The following FOXJ3 variants were observed in gnomAD, a reference collection of about 807,000 sequenced individuals.
FOXJ3 encodes forkhead box J3.
FOXJ3 carries 22 observed loss-of-function variants against 76.1 expected under a neutral mutation model. That is an observed-to-expected ratio of 0.29 (90% confidence interval 0.21 to 0.41). FOXJ3 has a LOEUF of 0.41. FOXJ3 is among the 10% of genes least tolerant of loss of function. The pLI is 1.00. For missense variants in FOXJ3, 613 were observed against 762.1 expected, an observed-to-expected ratio of 0.80 and a Z score of 2.30; for synonymous variants, 269 against 261.2, an observed-to-expected ratio of 1.03 and a Z score of -0.29.
intron 5 of FOXJ3, among the ~76,000 whole-genome samples, chr1:42,217,067 G>C (rs1056796295): frequency 1.6e-4 from 25 of 152,170 alleles, no homozygotes; most frequent in African/African-American, 5.5e-4. Flanking sequence ...GGGGAGGAGA[G>C]GAACAGGAAA....
intron 1 of FOXJ3, among the ~76,000 whole-genome samples, chr1:42,326,802 T>C (rs1255443982): frequency 6.6e-6 from 1 of 152,162 alleles, no homozygotes; most frequent in Admixed American, 6.5e-5. Flanking sequence ...GTAGGCCAGG[T>C]CCTTTGGGGT....
intron 2 of FOXJ3, among the ~76,000 whole-genome samples, chr1:42,291,087 C>CAGACAGACAGACAGAT (rs1553167264): frequency 1.9e-4 from 27 of 140,848 alleles, no homozygotes; most frequent in African/African-American, 7.4e-4. Context: ...GATAGATAGA[C>CAGACAGACAGACAGAT]AGACAGACAG....
At chr1:42,220,107 T>C (rs914559046) in intron 5 of FOXJ3, among the ~76,000 whole-genome samples, 1 of 152,168 alleles carries the variant, frequency 6.6e-6, no homozygotes, top group Non-Finnish European at 1.5e-5. Flanking sequence ...ACACAGTAAA[T>C]ATCTGAAATC....
At chr1:42,262,846 C>T (rs959252270) in intron 4 of FOXJ3, among the ~76,000 whole-genome samples, 1 of 152,150 alleles carries the variant, frequency 6.6e-6, no homozygotes, top group Admixed American at 6.5e-5. Flanking sequence ...GAGACTCCGT[C>T]TCAAAATTAA....
intron 5 of FOXJ3, among the ~76,000 whole-genome samples, chr1:42,218,237 T>C (rs1647111087): frequency 6.6e-6 from 1 of 152,218 alleles, no homozygotes; most frequent in South Asian, 2.1e-4. Context: ...ACCACTCTGG[T>C]ATTATAATTG....
chr1:42,181,298 G>A (rs992898393), intron 12 of FOXJ3, among the ~76,000 whole-genome samples: 8 of 152,152 alleles, frequency 5.3e-5, no homozygotes, highest in East Asian at 1.9e-4. Context: ...ACAATGTGCC[G>A]TATTCCGCTG....
intron 1 of FOXJ3, among the ~76,000 whole-genome samples, chr1:42,332,771 T>C (rs902721448): frequency 6.6e-6 from 1 of 152,222 alleles, no homozygotes; most frequent in Non-Finnish European, 1.5e-5. Context: ...ATATCATTTG[T>C]ACATTGCCAC....
chr1:42,333,227 T>C (rs1226189167), intron 1 of FOXJ3, among the ~76,000 whole-genome samples: 1 of 152,104 alleles, frequency 6.6e-6, no homozygotes, highest in East Asian at 1.9e-4. Flanking sequence ...AAAGGGAATA[T>C]ACGAACTGTA....
intron 11 of FOXJ3, among the ~76,000 whole-genome samples, chr1:42,185,784 T>A (rs1337558274): frequency 6.6e-6 from 1 of 152,136 alleles, no homozygotes; most frequent in Non-Finnish European, 1.5e-5. Flanking sequence ...TAGGAAAAGA[T>A]GTCATAGACT....
intron 3 of FOXJ3, 93 bp from the exon 4 acceptor site, chr1:42,265,282 G>T: frequency 1.6e-6 from 1 of 641,788 alleles, no homozygotes; most frequent in Non-Finnish European, 2.7e-6. Context: ...ACATCTTTAT[G>T]CTTTGCAAAA....
chr1:42,270,207 C>T (rs139009962), intron 3 of FOXJ3, among the ~76,000 whole-genome samples: 74 of 152,278 alleles, frequency 4.9e-4, no homozygotes, highest in Non-Finnish European at 9.1e-4. Flanking sequence ...TCAATTCATT[C>T]TTGGATTAAA....
chr1:42,273,283 C>A (rs1179518937), intron 3 of FOXJ3, among the ~76,000 whole-genome samples: 1 of 152,188 alleles, frequency 6.6e-6, no homozygotes, highest in African/African-American at 2.4e-5. Context: ...CTCCCTTAGG[C>A]CCTGTGCTAT....
chr1:42,191,273 C>A, intron 9 of FOXJ3, 30 bp downstream of exon 9: 1 of 1,517,950 alleles, frequency 6.6e-7, no homozygotes, highest in Non-Finnish European at 8.8e-7. Flanking sequence ...TCACAGTTAG[C>A]CAAACACAAA....
At chr1:42,310,791 A>G (rs1200141565) in intron 2 of FOXJ3, among the ~76,000 whole-genome samples, 3 of 152,176 alleles carry the variant, frequency 2.0e-5, no homozygotes, top group Admixed American at 6.5e-5. Flanking sequence ...AGTGTTAATT[A>G]TGTTGTTTCA....
intron 4 of FOXJ3, among the ~76,000 whole-genome samples, chr1:42,228,566 CAA>C (rs10640179): frequency 1.5e-5 from 2 of 130,244 alleles, no homozygotes; most frequent in South Asian, 2.5e-4. Context: ...TGTGACTCTC[CAA>C]AAAAAAAAAA....
At chr1:42,307,789 T>A (rs1336514211) in intron 2 of FOXJ3, among the ~76,000 whole-genome samples, 2 of 152,222 alleles carry the variant, frequency 1.3e-5, no homozygotes, top group African/African-American at 4.8e-5. Flanking sequence ...CTAATTCACA[T>A]ATAATATCTA....
At chr1:42,284,760 G>A (rs1652942758) in intron 2 of FOXJ3, among the ~76,000 whole-genome samples, 1 of 152,180 alleles carries the variant, frequency 6.6e-6, no homozygotes, top group Non-Finnish European at 1.5e-5. Context: ...AAATAACTTG[G>A]ATGAAGGAAA....
chr1:42,184,425 T>C (rs1646392648), intron 11 of FOXJ3, among the ~76,000 whole-genome samples: 1 of 152,190 alleles, frequency 6.6e-6, no homozygotes, highest in Admixed American at 6.5e-5. Context: ...AATTCCATCA[T>C]ATGCGTAACA....
chr1:42,304,253 A>C (rs950840514), intron 2 of FOXJ3, among the ~76,000 whole-genome samples: 3 of 152,158 alleles, frequency 2.0e-5, no homozygotes, highest in Non-Finnish European at 2.9e-5. Context: ...AAGCTGAAGA[A>C]GACACCAAGA....
Sources: gnomAD v4.1 joint callset for allele counts (sites outside exome capture counted in the v4.1 genomes callset) on GRCh38, gnomAD v4.1.1 for gene constraint, MANE v1.5 for transcripts, NCBI Gene and HGNC (gene_info 2026-07-23, HGNC 2026-07-21) for gene names.